TIMP2: variants seen among roughly 807,000 people sequenced by gnomAD.
TIMP2 encodes the protein metalloproteinase inhibitor 2.
In TIMP2, 5 loss-of-function variants were observed where a neutral mutation model predicts 24.3. That is an observed-to-expected ratio of 0.21 (90% CI 0.11 to 0.43). TIMP2 has a LOEUF of 0.43. Among genes scored for constraint, TIMP2 ranks in the 20% least tolerant of loss-of-function variants. The pLI, the probability that TIMP2 is intolerant of heterozygous loss-of-function variation, is 1.00. For missense variants in TIMP2, 221 were observed against 297.5 expected, an observed-to-expected ratio of 0.74 and a Z score of 1.89; for synonymous variants, 130 against 123.2, an observed-to-expected ratio of 1.06 and a Z score of -0.37.
chr17:78,881,188 C>T (rs1373083402), intron 1 of TIMP2, among the ~76,000 whole-genome samples: 4 of 152,258 alleles, frequency 2.6e-5, no homozygotes. Flanking sequence ...AGGGCACTGG[C>T]CCCTCCCAGC....
chr17:78,876,255 A>G (rs1022916182), intron 1 of TIMP2, among the ~76,000 whole-genome samples: 1 of 150,978 alleles, frequency 6.6e-6, no homozygotes. Context: ...TGTGCCCAAC[A>G]CCCCCCACCC....
In TIMP2 at chr17:78,891,024, C is replaced by T; in HGVS notation, c.131-17105G>A. ...CTGGATGCCGTCGAGCCCACTCTGT[C>T]TGCCTGGTCTTGAAGGTGGAGCTGA... On this transcript the variant is annotated intron_variant, in intron 1 of 4. Transcript: ENST00000262768. The surrounding 1 kb of genome is among the most constrained non-coding windows in gnomAD (Gnocchi z 4.5). The T allele has an allele frequency of 6.4e-7, 1 of 1,551,240 alleles. No individual in the cohort carries two copies. Among genetic ancestry groups the T allele is most frequent in the East Asian group, 2.4e-5 (1 of 40,926 alleles).
chr17:78,866,361 GT>G (rs200849916), intron 3 of TIMP2, among the ~76,000 whole-genome samples: 3,387 of 152,022 alleles, frequency 0.022, 119 homozygotes, highest in African/African-American at 0.077. Flanking sequence ...ACCACAGGTG[GT>G]TTTTGTCCCT....
chr17:78,878,565 C>A (rs2069749701), intron 1 of TIMP2, among the ~76,000 whole-genome samples: 1 of 152,238 alleles, frequency 6.6e-6, no homozygotes, highest in South Asian at 2.1e-4. Flanking sequence ...TGCAGCTTCC[C>A]AGCGTGCTAG....
chr17:78,909,920 G>A lies in TIMP2; in HGVS notation c.130+15039C>T, dbSNP rs79809219. Among the ~76,000 whole-genome samples the A allele has an allele frequency of 5.4e-3, 827 of 152,268 alleles. 6 individuals are homozygous for A. Among genetic ancestry groups the A allele is most frequent in the African/African-American group, 0.019 (785 of 41,548 alleles). On this transcript the variant is annotated intron_variant, in intron 1 of 4. Coordinates refer to ENST00000262768, the MANE Select transcript of TIMP2 (RefSeq NM_003255.5). ...AAGGCAGAGTCACACAACCGGAGGC[G>A]GAGTGTCCGTCTAGTACTGGGACCC...
In TIMP2 at chr17:78,896,917, AC is replaced by A; in HGVS notation, c.131-22999del. On this transcript the variant is annotated intron_variant, in intron 1 of 4. Coordinates refer to ENST00000262768, the MANE Select transcript of TIMP2 (RefSeq NM_003255.5). The surrounding 1 kb of genome is among the most constrained non-coding windows in gnomAD (Gnocchi z 4.4). ...CCTGGGCCCAGGAATGTGCTTGGCCACCAGATTCCCAGCGATTCTCACCAAA... is the reference window on the plus strand; with the variant it reads ...CCTGGGCCCAGGAATGTGCTTGGCCACAGATTCCCAGCGATTCTCACCAAA... 1 of 985,272 alleles carries A rather than the reference AC, an allele frequency of 1.0e-6. No individual in the cohort carries two copies. The highest frequency in any genetic ancestry group is 1.2e-6 in the Non-Finnish European group (1 of 829,872). 61.0% of individuals were successfully genotyped at this position (985,272 alleles called of 1,614,324 possible).
At chr17:78,892,420 G>A (rs1174798449) in intron 1 of TIMP2, 6 of 1,549,910 alleles carry the variant, frequency 3.9e-6, no homozygotes, top group Non-Finnish European at 4.4e-6. Flanking sequence ...GCGCCCCCGG[G>A]CCTGAGGAGC....
At chr17:78,880,388 A>C (rs2069768782) in intron 1 of TIMP2, among the ~76,000 whole-genome samples, 1 of 152,162 alleles carries the variant, frequency 6.6e-6, no homozygotes. Context: ...CAGACCCCAA[A>C]AGAAAATTGC....
chr17:78,918,065 A>AACACACGCACAC (rs1555652948), intron 1 of TIMP2, among the ~76,000 whole-genome samples: 1 of 144,812 alleles, frequency 6.9e-6, no homozygotes, highest in African/African-American at 2.6e-5. Flanking sequence ...TGCACACACA[A>AACACACGCACAC]ACACACACAC....
chr17:78,897,103 G>A (rs1195454811), intron 1 of TIMP2: 10 of 564,094 alleles, frequency 1.8e-5, no homozygotes, highest in Non-Finnish European at 2.2e-5. Context: ...GCACCCCCCC[G>A]CCCCCCGCCG....
intron 1 of TIMP2, among the ~76,000 whole-genome samples, chr17:78,879,981 G>C (rs1402239660): frequency 6.6e-6 from 1 of 152,116 alleles, no homozygotes; most frequent in Admixed American, 6.5e-5. Flanking sequence ...ATGGGCTACG[G>C]TCAGACTTCG....
At chr17:78,881,192 T>TC (rs1171919859) in intron 1 of TIMP2, among the ~76,000 whole-genome samples, 1 of 152,206 alleles carries the variant, frequency 6.6e-6, no homozygotes, top group Non-Finnish European at 1.5e-5. Context: ...CACTGGCCCC[T>TC]CCCAGCCGTC....
At chr17:78,876,122 G>A (rs189539434) in intron 1 of TIMP2, among the ~76,000 whole-genome samples, 3 of 152,074 alleles carry the variant, frequency 2.0e-5, no homozygotes, top group East Asian at 1.9e-4. Context: ...CTCATCCACC[G>A]CAACCAGCTG....
chr17:78,912,705 G>A (rs868645990), intron 1 of TIMP2, among the ~76,000 whole-genome samples: 1 of 152,204 alleles, frequency 6.6e-6, no homozygotes, highest in Non-Finnish European at 1.5e-5. Context: ...GCCACACAAG[G>A]ACTGGGAAGC....
rs200198879 is a variant in TIMP2 at position 78,891,142 on chromosome 17, T to C, written c.131-17223A>G. ...AGTCCTCTTTGTTGATAAATATACCTGCCTCGGGAGACAATGTTTGACTTC... is the reference window on the plus strand; with the variant it reads ...AGTCCTCTTTGTTGATAAATATACCCGCCTCGGGAGACAATGTTTGACTTC... On this transcript the variant is annotated intron_variant, in intron 1 of 4. Transcript: ENST00000262768. This position sits in a 1 kb window ranked among gnomAD's most constrained non-coding sequence, Gnocchi z 4.5. The C allele has an allele frequency of 4.5e-6, 7 of 1,550,600 alleles. No individual in the cohort carries two copies. The highest frequency in any genetic ancestry group is 6.1e-6 in the Non-Finnish European group (7 of 1,147,038).
chr17:78,907,626 A>C (rs1179037969), intron 1 of TIMP2, among the ~76,000 whole-genome samples: 1 of 152,246 alleles, frequency 6.6e-6, no homozygotes, highest in East Asian at 1.9e-4. Flanking sequence ...AATGGGACAC[A>C]AACACATGAA....
chr17:78,870,889 C>A lies in TIMP2; in HGVS notation c.340+9G>T, dbSNP rs1457145731. On this transcript the variant is annotated intron_variant, in intron 3 of 4. Transcript: ENST00000262768. ...CCAGCCTCCGGCTGATGGCCCCACT[C>A]ATACACACCTGCAATGAGATATTCC... 1 of 1,611,858 alleles carries A rather than the reference C, an allele frequency of 6.2e-7. No individual in the cohort carries two copies. The highest frequency in any genetic ancestry group is 1.1e-5 in the South Asian group (1 of 90,756).
At chr17:78,887,067 G>A (rs1267671198) in intron 1 of TIMP2, among the ~76,000 whole-genome samples, 2 of 152,184 alleles carry the variant, frequency 1.3e-5, no homozygotes, top group African/African-American at 4.8e-5. Context: ...ACAGACAACA[G>A]AGACCTAAGC....
chr17:78,890,418 T>C (rs1282027819), intron 1 of TIMP2, among the ~76,000 whole-genome samples: 1 of 152,096 alleles, frequency 6.6e-6, no homozygotes, highest in Non-Finnish European at 1.5e-5. Context: ...GCCAGGCTGG[T>C]CTCAAACTCC....
Sources: gnomAD v4.1 joint callset for allele counts (sites outside exome capture counted in the v4.1 genomes callset) on GRCh38, gnomAD v4.1.1 for gene constraint, Gnocchi (gnomAD v3.1) non-coding constraint, MANE v1.5 for transcripts, NCBI Gene and HGNC (gene_info 2026-07-23, HGNC 2026-07-21) for gene names.